FSTL4: variants seen among roughly 807,000 people sequenced by gnomAD.
FSTL4 encodes the protein follistatin like 4.
Under a neutral mutation model 78.2 loss-of-function variants are expected in FSTL4, and 28 were observed. That is an observed-to-expected ratio of 0.36 (90% CI 0.27 to 0.49). The LOEUF is 0.49. FSTL4 is among the 20% of genes least tolerant of loss of function. The pLI, the probability that FSTL4 is intolerant of heterozygous loss-of-function variation, is 0.98. For synonymous variants in FSTL4, 422 were observed against 440.5 expected (o/e 0.96, Z 0.53); for missense variants, 922 against 1,084.9 (o/e 0.85, Z 2.11).
chr5:133,829,254 G>A, the FSTL4 span, among the ~76,000 whole-genome samples: 3 of 152,074 alleles, frequency 2.0e-5, no homozygotes, highest in South Asian at 2.1e-4. Flanking sequence ...AAAATTAGCC[G>A]GGTGTGGTAG....
At chr5:133,515,228 A>G (rs891524153) in intron 3 of FSTL4, among the ~76,000 whole-genome samples, 2 of 152,138 alleles carry the variant, frequency 1.3e-5, no homozygotes, top group Non-Finnish European at 2.9e-5. Context: ...AATAATAGAA[A>G]CTAAGAAGTG....
Position 133,270,347 on chromosome 5 carries a change from C to T in FSTL4, c.728-20771G>A, listed in dbSNP as rs185371758. Among the ~76,000 whole-genome samples the T allele has an allele frequency of 9.3e-4, 142 of 152,260 alleles. 1 individual carries two copies. The highest frequency in any genetic ancestry group is 2.6e-3 in the African/African-American group (106 of 41,552). On this transcript the variant is annotated intron_variant, in intron 6 of 15. Coordinates refer to ENST00000265342, the MANE Select transcript of FSTL4 (RefSeq NM_015082.2). Reference sequence around the variant, plus strand: ...ATAAGAAAAAAATAAAATTAAGTTGCGGAGAGCGTGTATTAGCATTTCAAA... The same window carrying T: ...ATAAGAAAAAAATAAAATTAAGTTGTGGAGAGCGTGTATTAGCATTTCAAA...
intron 3 of FSTL4, among the ~76,000 whole-genome samples, chr5:133,538,202 A>T (rs1188200578): frequency 6.6e-6 from 1 of 152,080 alleles, no homozygotes; most frequent in Non-Finnish European, 1.5e-5. Flanking sequence ...TTTTATCTGG[A>T]ACAGTTCCTC....
chr5:133,422,055 A>G (rs961396349), intron 3 of FSTL4, among the ~76,000 whole-genome samples: 1 of 152,194 alleles, frequency 6.6e-6, no homozygotes, highest in Admixed American at 6.5e-5. Flanking sequence ...GAAGAGGATC[A>G]GAGTCCAGAC....
At position 133,231,180 on chromosome 5, in the gene FSTL4, GA is replaced by G. The variant is rs112922906; in HGVS notation, c.1015+2236del. Reference sequence around the variant, plus strand: ...GAATGCTTTTATTTCTCCTACCTTGGAAAAAAAAAAAAACCCTTCTCTTTAT... The same window carrying G: ...GAATGCTTTTATTTCTCCTACCTTGGAAAAAAAAAAAACCCTTCTCTTTAT... On this transcript the variant is annotated intron_variant, in intron 8 of 15. Coordinates refer to ENST00000265342, the MANE Select transcript of FSTL4 (RefSeq NM_015082.2). Among the ~76,000 whole-genome samples the G allele has an allele frequency of 9.8e-3, 1,337 of 135,958 alleles. 17 individuals carry two copies. Among genetic ancestry groups the G allele is most frequent in the African/African-American group, 0.03 (1,121 of 37,308 alleles). 89.2% of individuals were successfully genotyped at this position (135,958 alleles called of 152,430 possible). A position where few individuals can be genotyped will look rare whatever the true frequency, so the allele number is the denominator to read the frequency against.
At chr5:133,514,223 T>TAAA (rs1554067731) in intron 3 of FSTL4, among the ~76,000 whole-genome samples, 58 of 148,204 alleles carry the variant, frequency 3.9e-4, no homozygotes, top group African/African-American at 9.6e-4. Context: ...ATAATAATAA[T>TAAA]AAACCGTTGG....
At chr5:133,641,230 AAAAACAAAAC>A in the FSTL4 span, among the ~76,000 whole-genome samples, 3 of 152,108 alleles carry the variant, frequency 2.0e-5, no homozygotes, top group East Asian at 1.9e-4. Flanking sequence ...TGATAGCCTA[AAAAACAAAAC>A]AAAACAAAAC....
At chr5:133,455,829 G>T (rs1317149495) in intron 3 of FSTL4, among the ~76,000 whole-genome samples, 1 of 152,226 alleles carries the variant, frequency 6.6e-6, no homozygotes, top group East Asian at 1.9e-4. Flanking sequence ...ACAGCCTGAG[G>T]ACATGGACTT....
the FSTL4 span, among the ~76,000 whole-genome samples, chr5:133,671,537 G>A: frequency 6.6e-6 from 1 of 152,144 alleles, no homozygotes; most frequent in Non-Finnish European, 1.5e-5. Context: ...CCTCAGCAAG[G>A]CCATTTTTAC....
intron 4 of FSTL4, among the ~76,000 whole-genome samples, chr5:133,353,791 G>A (rs549011522): frequency 1.3e-5 from 2 of 152,352 alleles, no homozygotes; most frequent in African/African-American, 2.4e-5. Context: ...TGCTGCCTGC[G>A]GGGCTTTGTT....
chr5:133,317,350 C>T (rs1486447048), intron 4 of FSTL4, among the ~76,000 whole-genome samples: 2 of 152,174 alleles, frequency 1.3e-5, no homozygotes, highest in Non-Finnish European at 2.9e-5. Flanking sequence ...TTGCTGGTGA[C>T]GGGCTTCTAG....
chr5:133,220,706 C>T, intron 12 of FSTL4, 42 bp downstream of exon 12: 2 of 970,522 alleles, frequency 2.1e-6, no homozygotes, highest in Non-Finnish European at 3.4e-6. Flanking sequence ...TAGGATTTTG[C>T]CTGTGTATGA....
the FSTL4 span, among the ~76,000 whole-genome samples, chr5:133,777,384 C>T: frequency 6.6e-6 from 1 of 152,170 alleles, no homozygotes; most frequent in Admixed American, 6.5e-5. Flanking sequence ...TGGGACGTAG[C>T]GTGACATTTC....
the FSTL4 span, among the ~76,000 whole-genome samples, chr5:133,790,960 G>GC: frequency 4.6e-3 from 698 of 152,182 alleles, 9 homozygotes; most frequent in African/African-American, 0.016. Context: ...TAAAACAGAA[G>GC]CCCCCATCTC....
chr5:133,609,074 C>G (rs1182894210), intron 1 of FSTL4, among the ~76,000 whole-genome samples: 2 of 152,208 alleles, frequency 1.3e-5, no homozygotes, highest in African/African-American at 4.8e-5. Flanking sequence ...CAGCCTCTCT[C>G]CCAGAACTTG....
intron 3 of FSTL4, among the ~76,000 whole-genome samples, chr5:133,461,850 G>A (rs887273682): frequency 2.0e-5 from 3 of 152,106 alleles, no homozygotes; most frequent in Non-Finnish European, 2.9e-5. Flanking sequence ...AGAAAAGACC[G>A]AGACCTAGGA....
intron 3 of FSTL4, chr5:133,427,599 G>T (rs553046998): frequency 1.9e-6 from 1 of 520,050 alleles, no homozygotes; most frequent in South Asian, 1.4e-5. Flanking sequence ...CGGGAATGGC[G>T]GGGGCGATAG....
At chr5:133,423,578 G>T (rs1756743382) in intron 3 of FSTL4, among the ~76,000 whole-genome samples, 1 of 152,234 alleles carries the variant, frequency 6.6e-6, no homozygotes, top group African/African-American at 2.4e-5. Flanking sequence ...AAAGGTGGCT[G>T]TGGTCATCGA....
intron 14 of FSTL4, among the ~76,000 whole-genome samples, chr5:133,207,237 C>T (rs1175598515): frequency 2.0e-5 from 3 of 152,136 alleles, no homozygotes; most frequent in African/African-American, 7.2e-5. Context: ...CTATGTTAAT[C>T]ACTCTTGTTT....
Sources: allele counts gnomAD v4.1 joint callset (sites outside exome capture counted in the v4.1 genomes callset), GRCh38; gene constraint gnomAD v4.1.1; transcripts MANE v1.5; gene names NCBI Gene and HGNC (gene_info 2026-07-23, HGNC 2026-07-21).